Variants in FGD4 observed in about 807,000 individuals in gnomAD.
The protein encoded by FGD4 is FYVE, RhoGEF and PH domain containing 4, also known as FYVE, RhoGEF and PH domain-containing protein 4.
In FGD4, 42 loss-of-function variants were observed where a neutral mutation model predicts 102.0. That is an observed-to-expected ratio of 0.41 (90% confidence interval 0.32 to 0.53). The LOEUF (loss-of-function observed/expected upper bound fraction) is 0.53. Ranked by LOEUF, FGD4 falls within the 20% of genes least tolerant of loss-of-function variation. FGD4 has a pLI of 0.21. For missense variants in FGD4, 902 were observed against 1,078.2 expected, an observed-to-expected ratio of 0.84 and a Z score of 2.29; for synonymous variants, 380 against 375.7, an observed-to-expected ratio of 1.01 and a Z score of -0.13.
chr12:32,498,292 A>AG (rs1228001760), intron 1 of FGD4, among the ~76,000 whole-genome samples: 1 of 152,202 alleles, frequency 6.6e-6, no homozygotes, highest in Non-Finnish European at 1.5e-5. Context: ...ACCTCTAGAC[A>AG]GTTCCCTTTT....
At chr12:32,408,829 G>C (rs1417783738) in intron 1 of FGD4, among the ~76,000 whole-genome samples, 2 of 152,032 alleles carry the variant, frequency 1.3e-5, no homozygotes, top group Non-Finnish European at 2.9e-5. Flanking sequence ...CTCTTTTCTT[G>C]GTTCTGATGA....
chr12:32,467,001 C>T (rs1943272825), intron 1 of FGD4, among the ~76,000 whole-genome samples: 1 of 151,812 alleles, frequency 6.6e-6, no homozygotes, highest in South Asian at 2.1e-4. Flanking sequence ...GCATTTTTAG[C>T]TACATTTTTA....
chr12:32,642,788 G>C lies in FGD4; in HGVS notation c.*2255G>C, dbSNP rs1054879725. 1.3e-5 allele frequency: 2 copies of C among 152,260 alleles called. No individual in the cohort carries two copies. The highest frequency in any genetic ancestry group is 2.9e-5 in the Non-Finnish European group (2 of 67,942). The allele number at this position is 152,260 out of a possible 1,614,324, so 9.4% of individuals were successfully genotyped here. A position where few individuals can be genotyped will look rare whatever the true frequency, so the allele number is the denominator to read the frequency against. On this transcript the variant is annotated 3_prime_UTR_variant, in exon 17 of 17. Transcript: ENST00000534526. Reference sequence around the variant, plus strand: ...AAACGCAAAGAGAAGCAGTGAAACAGCCTTACCCGCTTCTCTCTTATTAAA... The same window carrying C: ...AAACGCAAAGAGAAGCAGTGAAACACCCTTACCCGCTTCTCTCTTATTAAA...
At chr12:32,427,659 G>A (rs897689628) in intron 1 of FGD4, among the ~76,000 whole-genome samples, 3 of 152,136 alleles carry the variant, frequency 2.0e-5, no homozygotes, top group African/African-American at 7.2e-5. Context: ...ATTGACAGTG[G>A]GGTGTTAAAG....
intron 1 of FGD4, among the ~76,000 whole-genome samples, chr12:32,535,867 T>TA (rs1239238518): frequency 6.6e-6 from 1 of 152,182 alleles, no homozygotes; most frequent in Non-Finnish European, 1.5e-5. Flanking sequence ...TTGATAAACA[T>TA]AGAGAACTTG....
At chr12:32,502,598 A>G (rs1314151547) in intron 1 of FGD4, among the ~76,000 whole-genome samples, 2 of 152,180 alleles carry the variant, frequency 1.3e-5, no homozygotes, top group Admixed American at 6.6e-5. Context: ...TGGCAAAAGG[A>G]CAGTCATTTT....
intron 1 of FGD4, among the ~76,000 whole-genome samples, chr12:32,517,554 C>T (rs1372938624): frequency 6.6e-6 from 1 of 152,108 alleles, no homozygotes; most frequent in Admixed American, 6.6e-5. Flanking sequence ...AATCAAACTA[C>T]AGGATTAGGT....
chr12:32,597,222 A>C (rs1437412712), intron 4 of FGD4, among the ~76,000 whole-genome samples: 2 of 152,216 alleles, frequency 1.3e-5, no homozygotes, highest in Non-Finnish European at 1.5e-5. Context: ...AATTCACGCC[A>C]CAAAATATTG....
chr12:32,446,288 A>G (rs545151068), intron 1 of FGD4, among the ~76,000 whole-genome samples: 1 of 152,260 alleles, frequency 6.6e-6, no homozygotes, highest in South Asian at 2.1e-4. Flanking sequence ...TACAAGGTTC[A>G]TGGCTGGTGC....
intron 1 of FGD4, among the ~76,000 whole-genome samples, chr12:32,431,766 C>T (rs1321778606): frequency 1.3e-5 from 2 of 149,932 alleles, no homozygotes; most frequent in Non-Finnish European, 3.0e-5. Context: ...GAGCAAGATT[C>T]TGTCTTAAAA....
chr12:32,404,539 T>C (rs920091626), intron 1 of FGD4, among the ~76,000 whole-genome samples: 2 of 152,184 alleles, frequency 1.3e-5, no homozygotes, highest in African/African-American at 2.4e-5. Context: ...TGCAGTACCC[T>C]GCACCTAGTA....
chr12:32,605,234 C>T (rs562362399), intron 7 of FGD4, among the ~76,000 whole-genome samples: 257 of 152,094 alleles, frequency 1.7e-3, no homozygotes, highest in African/African-American at 6.0e-3. Context: ...CCACTGCACC[C>T]GGCCTATCAG....
intron 1 of FGD4, among the ~76,000 whole-genome samples, chr12:32,534,970 G>A (rs974134147): frequency 6.6e-6 from 1 of 152,198 alleles, no homozygotes; most frequent in Non-Finnish European, 1.5e-5. Context: ...AGGGGAGTAA[G>A]TATTATTTGT....
intron 1 of FGD4, among the ~76,000 whole-genome samples, chr12:32,553,784 T>C (rs2136209272): frequency 6.6e-6 from 1 of 152,312 alleles, no homozygotes; most frequent in East Asian, 1.9e-4. Flanking sequence ...TATAAGTTAG[T>C]GATCCTAGTA....
At chr12:32,570,410 A>G (rs1945564540) in intron 2 of FGD4, among the ~76,000 whole-genome samples, 1 of 151,884 alleles carries the variant, frequency 6.6e-6, no homozygotes, top group African/African-American at 2.4e-5. Context: ...TTTAGTTAAT[A>G]GTGCATAGGA....
chr12:32,405,118 A>G (rs1243947180), intron 1 of FGD4, among the ~76,000 whole-genome samples: 3 of 151,824 alleles, frequency 2.0e-5, no homozygotes, highest in Non-Finnish European at 4.4e-5. Flanking sequence ...TATTTTTAGT[A>G]GAGACGGGGT....
intron 1 of FGD4, among the ~76,000 whole-genome samples, chr12:32,435,160 C>T (rs1591895249): frequency 6.6e-6 from 1 of 152,248 alleles, no homozygotes; most frequent in Admixed American, 6.5e-5. Context: ...TCAGGCTGGT[C>T]TCGAACTCCC....
intron 1 of FGD4, among the ~76,000 whole-genome samples, chr12:32,553,352 G>C (rs1943855929): frequency 6.6e-6 from 1 of 152,174 alleles, no homozygotes; most frequent in Admixed American, 6.5e-5. Context: ...ATATTCTTTA[G>C]AAATCTTAGT....
At chr12:32,547,011 T>G (rs1286791822) in intron 1 of FGD4, among the ~76,000 whole-genome samples, 2 of 152,228 alleles carry the variant, frequency 1.3e-5, no homozygotes, top group African/African-American at 4.8e-5. Flanking sequence ...CTGCATAATC[T>G]TGCCTAATAA....
Sources: gnomAD v4.1 joint callset for allele counts (sites outside exome capture counted in the v4.1 genomes callset) on GRCh38, gnomAD v4.1.1 for gene constraint, MANE v1.5 for transcripts, NCBI Gene and HGNC (gene_info 2026-07-23, HGNC 2026-07-21) for gene names.